Variants in ACSM5 observed in about 807,000 individuals in gnomAD.
ACSM5 encodes the protein acyl-CoA synthetase medium chain family member 5.
A neutral mutation model predicts 71.6 loss-of-function variants in ACSM5; 56 were observed. The observed-to-expected ratio is 0.78, with a 90% CI of 0.63 to 0.98. The LOEUF is 0.98. ACSM5 is among the 50% of genes least tolerant of loss of function. The probability of loss-of-function intolerance (pLI) is 0.00; values close to 1 mark genes in which losing one functional copy is unlikely to be tolerated. For missense variants in ACSM5, 723 were observed against 726.0 expected (o/e 1.00, Z 0.05); for synonymous variants, 285 against 281.5 (o/e 1.01, Z -0.12).
At chr16:20,416,547 T>G (rs1475229147) in intron 2 of ACSM5, among the ~76,000 whole-genome samples, 1 of 152,130 alleles carries the variant, frequency 6.6e-6, no homozygotes, top group Non-Finnish European at 1.5e-5. Context: ...TAATTGAGTC[T>G]CCTACCTGAC....
At chr16:20,425,860 T>A (rs1290854057) in intron 6 of ACSM5, among the ~76,000 whole-genome samples, 1 of 152,094 alleles carries the variant, frequency 6.6e-6, no homozygotes, top group Non-Finnish European at 1.5e-5. Context: ...TTGTTCCACA[T>A]TTTTGCAATT....
In ACSM5 at chr16:20,431,061, C is replaced by T; in HGVS notation, c.1194C>T (p.Pro398=). The T allele has an allele frequency of 6.2e-7, 1 of 1,613,672 alleles. No homozygotes were observed. The highest frequency in any genetic ancestry group is 8.5e-7 in the Non-Finnish European group (1 of 1,179,766). ...GATCCATGGGGAAGGCGTCCCCACC[C>T]TACGATGTGCAGGTAGCAGCCTCCC... ...KSGSMGKASP[P]YDVQIVDDEG... The change falls in exon 9 of 14, where the codon CCC becomes CCT. Residue 398 remains proline (P), a synonymous_variant. Transcript: ENST00000331849.
chr16:20,419,599 T>C (rs936464523), intron 4 of ACSM5, 164 bp downstream of exon 4: 9 of 658,036 alleles, frequency 1.4e-5, no homozygotes, highest in East Asian at 2.7e-5. Flanking sequence ...CCTACCTTAA[T>C]GTTCAAGGTC....
intron 6 of ACSM5, among the ~76,000 whole-genome samples, chr16:20,426,663 C>G (rs947091186): frequency 2.0e-5 from 3 of 152,172 alleles, no homozygotes; most frequent in African/African-American, 7.2e-5. Flanking sequence ...CATACAAGGA[C>G]AAATACTGTA....
intron 2 of ACSM5, 142 bp downstream of exon 2, chr16:20,411,830 C>T: frequency 3.6e-6 from 3 of 836,696 alleles, no homozygotes; most frequent in Middle Eastern, 3.6e-4. Context: ...AAACTGTTGG[C>T]ATTTGAGACT....
rs998239065 is a variant in ACSM5, at chr16:20,437,946, C to A, written c.1536+579C>A. ...CAAGTGATCTTCCTGCCCCAGCACC[C>A]CCCCCAGTAGCTGGGATTACAGGCA... On this transcript the variant is annotated intron_variant, in intron 12 of 13. Coordinates refer to ENST00000331849, the MANE Select transcript of ACSM5 (RefSeq NM_017888.3). Among the ~76,000 whole-genome samples the A allele has an allele frequency of 3.0e-3, 193 of 64,868 alleles. 11 individuals are homozygous for A. Among genetic ancestry groups the A allele is most frequent in the East Asian group, 3.6e-3 (1 of 276 alleles). 42.6% of individuals were successfully genotyped at this position (64,868 alleles called of 152,430 possible). A position where few individuals can be genotyped will look rare whatever the true frequency, so the allele number is the denominator to read the frequency against.
intron 2 of ACSM5, among the ~76,000 whole-genome samples, chr16:20,415,139 C>A (rs1966854037): frequency 1.3e-5 from 2 of 152,028 alleles, no homozygotes; most frequent in Non-Finnish European, 2.9e-5. Context: ...TATTACAATG[C>A]TGAAGGAAAG....
intron 6 of ACSM5, among the ~76,000 whole-genome samples, chr16:20,425,776 T>C (rs369430387): frequency 0.03 from 4,418 of 148,084 alleles, 88 homozygotes; most frequent in Middle Eastern, 0.052. Flanking sequence ...TTTTTATGGC[T>C]GAGTTGTATT....
chr16:20,433,050 G>T (rs1407690855), intron 10 of ACSM5, among the ~76,000 whole-genome samples: 1 of 151,796 alleles, frequency 6.6e-6, no homozygotes, highest in Non-Finnish European at 1.5e-5. Flanking sequence ...TAGAGACAGG[G>T]TTTTGCCACC....
At chr16:20,411,856 A>T (rs1966848439) in intron 2 of ACSM5, 168 bp downstream of exon 2, 1 of 686,748 alleles carries the variant, frequency 1.5e-6, no homozygotes, top group Non-Finnish European at 2.5e-6. Flanking sequence ...AAAAATTCTG[A>T]GTCAGTGTTG....
At chr16:20,422,412 G>A (rs1421087955) in intron 5 of ACSM5, among the ~76,000 whole-genome samples, 10 of 151,928 alleles carry the variant, frequency 6.6e-5, no homozygotes, top group Non-Finnish European at 1.3e-4. Flanking sequence ...ACCTGGCCTC[G>A]ACCACATTTT....
chr16:20,420,527 G>C (rs1966873728), intron 4 of ACSM5, among the ~76,000 whole-genome samples: 2 of 152,164 alleles, frequency 1.3e-5, no homozygotes, highest in Admixed American at 6.5e-5. Flanking sequence ...TTGAACCCGG[G>C]AGGCAGAGGT....
At chr16:20,434,778 G>T (rs1463904580) in intron 10 of ACSM5, among the ~76,000 whole-genome samples, 5 of 152,170 alleles carry the variant, frequency 3.3e-5, no homozygotes, top group African/African-American at 9.7e-5. Flanking sequence ...CACTTACTCT[G>T]TCTCTGTACT....
At chr16:20,438,458 G>T (rs548780535) in intron 12 of ACSM5, among the ~76,000 whole-genome samples, 3 of 151,842 alleles carry the variant, frequency 2.0e-5, no homozygotes, top group African/African-American at 7.2e-5. Context: ...AGCCATTCTT[G>T]GCCAAGTGAT....
chr16:20,411,349 T>G, intron 1 of ACSM5, 121 bp from the exon 2 acceptor site: 1 of 756,374 alleles, frequency 1.3e-6, no homozygotes. Flanking sequence ...GAGAGTTTAT[T>G]CTACAAGTCA....
At chr16:20,425,807 C>A (rs913319454) in intron 6 of ACSM5, among the ~76,000 whole-genome samples, 2 of 151,832 alleles carry the variant, frequency 1.3e-5, no homozygotes, top group Admixed American at 1.3e-4. Flanking sequence ...TATTTATATA[C>A]CACACTTTCT....
Position 20,424,033 on chromosome 16 carries a change from T to C in ACSM5, c.885T>C (p.His295=). 6.2e-7 allele frequency: 1 copy of C among 1,613,138 alleles called. No homozygotes were observed. The highest frequency in any genetic ancestry group is 2.2e-5 in the East Asian group (1 of 44,860). ...CTAATGGATCTTGCATTTTTGTGCATGAGCTGCCCCGAGTTGATGCCAAAG... is the reference window on the plus strand; with the variant it reads ...CTAATGGATCTTGCATTTTTGTGCACGAGCTGCCCCGAGTTGATGCCAAAG... ...AWPNGSCIFV[H]ELPRVDAKVI... The change falls in exon 6 of 14, where the codon CAT becomes CAC. Residue 295 remains histidine, a synonymous_variant. Transcript: ENST00000331849.
rs1423161513 is a variant in ACSM5, at chr16:20,437,101, C to A, written c.1358C>A (p.Thr453Lys). 6.2e-7 allele frequency: 1 copy of A among 1,614,108 alleles called. No homozygotes were observed. Among genetic ancestry groups the A allele is most frequent in the Non-Finnish European group, 8.5e-7 (1 of 1,180,054 alleles). ...TCAGAACAAGGGGACTTTTACATCA[C>A]AGGGGACCGAGCTCGCATGGACAAG... ...AASEQGDFYITGDRARMDKDG... is the reference protein window; with the variant it reads ...AASEQGDFYIKGDRARMDKDG... The change falls in exon 11 of 14, where the codon ACA becomes AAA. Residue 453 changes from threonine (T) to lysine (K), a missense_variant. Transcript: ENST00000331849.
rs1967163117 is a variant in ACSM5, at chr16:20,434,844, A to T, written c.1309-2208A>T. Among the ~76,000 whole-genome samples, 6 of 152,314 alleles carry T rather than the reference A, an allele frequency of 3.9e-5. No homozygotes were observed. The South Asian group carries it at 1.2e-3, about 32-fold the overall frequency. ...TACCATAAGTCTTCACATGTGGGAG[A>T]ACAACTCTAACCTTGTTATTCAACT... On this transcript the variant is annotated intron_variant, in intron 10 of 13. Coordinates refer to ENST00000331849, the MANE Select transcript of ACSM5 (RefSeq NM_017888.3).
Sources: allele counts gnomAD v4.1 joint callset (sites outside exome capture counted in the v4.1 genomes callset), GRCh38; gene constraint gnomAD v4.1.1; transcripts MANE v1.5; gene names NCBI Gene and HGNC (gene_info 2026-07-23, HGNC 2026-07-21).